FTO: variants seen among roughly 807,000 people sequenced by gnomAD.
The protein encoded by FTO is FTO alpha-ketoglutarate dependent dioxygenase, also known as alpha-ketoglutarate-dependent dioxygenase FTO.
FTO carries 47 observed loss-of-function variants against 63.9 expected under a neutral mutation model. The observed-to-expected ratio is 0.74, with a 90% CI of 0.58 to 0.94. The LOEUF (loss-of-function observed/expected upper bound fraction) is 0.94, where lower values mean the gene tolerates loss of function less well. FTO is among the 40% of genes least tolerant of loss of function. The pLI, the probability that FTO is intolerant of heterozygous loss-of-function variation, is 0.00. For missense variants in FTO, 562 were observed against 618.1 expected (o/e 0.91, Z 0.96); for synonymous variants, 207 against 224.4 (o/e 0.92, Z 0.69).
intron 8 of FTO, among the ~76,000 whole-genome samples, chr16:54,025,674 G>A (rs780924808): frequency 6.6e-6 from 1 of 151,186 alleles, no homozygotes; most frequent in Non-Finnish European, 1.5e-5. Context: ...GTGAGTGACC[G>A]TGCCACTGCA....
At chr16:54,031,817 C>T (rs2084838911) in intron 8 of FTO, among the ~76,000 whole-genome samples, 1 of 152,116 alleles carries the variant, frequency 6.6e-6, no homozygotes, top group African/African-American at 2.4e-5. Flanking sequence ...AACCTTAAGT[C>T]CTTATCACAA....
intron 8 of FTO, among the ~76,000 whole-genome samples, chr16:54,106,487 T>C (rs1235584996): frequency 1.4e-5 from 2 of 145,784 alleles, no homozygotes; most frequent in African/African-American, 2.5e-5. Context: ...TAATATGTAA[T>C]ATAGTATATA....
At chr16:54,106,521 TTA>T (rs1354842610) in intron 8 of FTO, among the ~76,000 whole-genome samples, 1 of 139,884 alleles carries the variant, frequency 7.1e-6, no homozygotes, top group Non-Finnish European at 1.6e-5. Context: ...TATGTATTTA[TTA>T]TATAATTATT....
intron 8 of FTO, among the ~76,000 whole-genome samples, chr16:54,056,943 C>T (rs2085450361): frequency 6.6e-6 from 1 of 152,168 alleles, no homozygotes; most frequent in African/African-American, 2.4e-5. Context: ...ATTCAGTAGG[C>T]ATTGAATGAC....
intron 8 of FTO, among the ~76,000 whole-genome samples, chr16:53,984,321 CTTTTTTTT>C (rs5816913): frequency 1.0e-4 from 7 of 67,288 alleles, no homozygotes; most frequent in Admixed American, 2.1e-4. Context: ...TGGAATGGGT[CTTTTTTTT>C]TTTTTTTTTT....
chr16:53,773,757 A>G (rs1415188500), intron 1 of FTO, among the ~76,000 whole-genome samples: 1 of 152,186 alleles, frequency 6.6e-6, no homozygotes, highest in African/African-American at 2.4e-5. Context: ...TGTGTAACGT[A>G]AACATATTTG....
chr16:53,992,511 T>C (rs943313227), intron 8 of FTO: 2 of 152,196 alleles, frequency 1.3e-5, no homozygotes, highest in African/African-American at 4.8e-5. Flanking sequence ...GGAAAAGCCA[T>C]CTTTCTCTTC....
chr16:53,787,680 TA>T (rs2077787082), intron 1 of FTO, among the ~76,000 whole-genome samples: 1 of 152,208 alleles, frequency 6.6e-6, no homozygotes, highest in Non-Finnish European at 1.5e-5. Context: ...GTAAGTCTGG[TA>T]TATCTAACTA....
intron 7 of FTO, among the ~76,000 whole-genome samples, chr16:53,925,069 TAAA>T (rs763272865): frequency 8.1e-6 from 1 of 123,484 alleles, no homozygotes; most frequent in Non-Finnish European, 1.8e-5. Flanking sequence ...CTTTTTTTTG[TAAA>T]AAAAAAAAAA....
intron 6 of FTO, among the ~76,000 whole-genome samples, chr16:53,881,151 A>AAATAAATAAATAAAAAT: frequency 6.6e-6 from 1 of 150,972 alleles, no homozygotes; most frequent in Non-Finnish European, 1.5e-5. Flanking sequence ...ATAAATAAAT[A>AAATAAATAAATAAAAAT]AAAATAAAAT....
chr16:53,813,503 C>T (rs1239696271), intron 2 of FTO, among the ~76,000 whole-genome samples: 18 of 152,138 alleles, frequency 1.2e-4, no homozygotes, highest in Admixed American at 1.2e-3. Flanking sequence ...TGAGCCACTG[C>T]GCCTGGCCAA....
Position 53,826,216 on chromosome 16 carries a change from C to A in FTO, c.476C>A (p.Ala159Asp). The A allele has an allele frequency of 6.2e-7, 1 of 1,614,120 alleles. No homozygotes were observed. The highest frequency in any genetic ancestry group is 8.5e-7 in the Non-Finnish European group (1 of 1,180,028). The change falls in exon 3 of 9, where the codon GCC (alanine) becomes GAC (aspartate). Residue 159 changes from alanine (A) to aspartate (D), a missense_variant. Coordinates refer to ENST00000471389, the MANE Select transcript of FTO (RefSeq NM_001080432.3). The part of the protein sequence containing the change: ...ETIQALEELA[A>D]KEKANEDAVP... Reference sequence around the variant, plus strand: ...ATCCAGGCTTTGGAAGAACTTGCTGCCAAAGAGAAGGCTAATGAGGATGCT... The same window carrying A: ...ATCCAGGCTTTGGAAGAACTTGCTGACAAAGAGAAGGCTAATGAGGATGCT...
At chr16:53,704,045 T>C (rs367716710), upstream of FTO, 412 of 917,394 alleles carry the variant, frequency 4.5e-4, 1 homozygote, top group African/African-American at 5.8e-3. Context: ...CGGTGCATCC[T>C]GGGAGTTGTA....
At chr16:53,884,988 G>A (rs1174051465) in intron 6 of FTO, among the ~76,000 whole-genome samples, 2 of 152,186 alleles carry the variant, frequency 1.3e-5, no homozygotes, top group African/African-American at 4.8e-5. Context: ...TGCTGTGTTA[G>A]CTATGAGCAT....
intron 8 of FTO, among the ~76,000 whole-genome samples, chr16:54,061,384 TCC>T (rs1260804837): frequency 1.3e-5 from 2 of 152,222 alleles, no homozygotes; most frequent in African/African-American, 4.8e-5. Context: ...ACATTAAATT[TCC>T]CATCAAACCA....
intron 4 of FTO, among the ~76,000 whole-genome samples, chr16:53,856,532 T>G (rs1478562526): frequency 6.6e-6 from 1 of 152,084 alleles, no homozygotes; most frequent in East Asian, 1.9e-4. Flanking sequence ...GGTGGATCAC[T>G]TGAGGTCAGG....
chr16:53,709,759 C>T (rs976358611), intron 1 of FTO, among the ~76,000 whole-genome samples: 11 of 152,186 alleles, frequency 7.2e-5, no homozygotes, highest in African/African-American at 2.4e-4. Context: ...CTCTCTTTCT[C>T]GCCATATATA....
intron 8 of FTO, among the ~76,000 whole-genome samples, chr16:54,073,749 G>A (rs758561730): frequency 6.6e-6 from 1 of 151,854 alleles, no homozygotes; most frequent in Non-Finnish European, 1.5e-5. Context: ...ACCCAGCCCA[G>A]GAACTCTTCT....
At chr16:53,784,770 G>GA (rs1268527638) in intron 1 of FTO, among the ~76,000 whole-genome samples, 1 of 151,834 alleles carries the variant, frequency 6.6e-6, no homozygotes, top group Admixed American at 6.6e-5. Flanking sequence ...CCAAACTAAA[G>GA]AAAAAAAATT....
Sources: gnomAD v4.1 joint callset for allele counts (sites outside exome capture counted in the v4.1 genomes callset) on GRCh38, gnomAD v4.1.1 for gene constraint, MANE v1.5 for transcripts, NCBI Gene and HGNC (gene_info 2026-07-23, HGNC 2026-07-21) for gene names.